MFAP3L: variants seen among roughly 807,000 people sequenced by gnomAD.
The protein encoded by MFAP3L is microfibrillar-associated protein 3-like.
Under a neutral mutation model 20.0 loss-of-function variants are expected in MFAP3L, and 5 were observed. The ratio of observed to expected loss-of-function variants is 0.25; its 90% CI spans 0.13 to 0.53. The LOEUF (loss-of-function observed/expected upper bound fraction) is 0.53. Among genes scored for constraint, MFAP3L ranks in the 20% least tolerant of loss-of-function variants. MFAP3L has a pLI of 0.96. For synonymous variants in MFAP3L, 219 were observed against 213.0 expected, an observed-to-expected ratio of 1.03 and a Z score of -0.25; for missense variants, 409 against 527.5, an observed-to-expected ratio of 0.78 and a Z score of 2.20.
chr4:170,006,522 T>C (rs1383153171), intron 1 of MFAP3L: 1 of 152,276 alleles, frequency 6.6e-6, no homozygotes, highest in Non-Finnish European at 1.5e-5. Flanking sequence ...ATATAGATTT[T>C]ATAGGAACAA....
In MFAP3L at chr4:170,005,758, G is replaced by T; in HGVS notation, c.120C>A (p.Asn40Lys). Reference sequence around the variant, plus strand: ...TTACGGGCACAGAGCCCAAGACCACGTTAGTGCCATTTAAAGTGCTGTTAG... The same window carrying T: ...TTACGGGCACAGAGCCCAAGACCACTTTAGTGCCATTTAAAGTGCTGTTAG... ...SVTNSTLNGT[N>K]VVLGSVPVII... is the part of the protein sequence containing the mutation. The change falls in exon 2 of 3, where the codon AAC (asparagine) becomes AAA (lysine). Residue 40 changes from asparagine to lysine, a missense_variant. Transcript: ENST00000361618. The T allele has an allele frequency of 6.2e-7, 1 of 1,614,218 alleles. No homozygotes were observed. The highest frequency in any genetic ancestry group is 8.5e-7 in the Non-Finnish European group (1 of 1,180,040).
chr4:170,012,240 G>A (rs1195787890), intron 1 of MFAP3L, among the ~76,000 whole-genome samples: 2 of 152,168 alleles, frequency 1.3e-5, no homozygotes, highest in African/African-American at 4.8e-5. Context: ...GAAAGAAGTT[G>A]GCAGATGCAA....
intron 1 of MFAP3L, among the ~76,000 whole-genome samples, chr4:170,017,587 T>C (rs1739779756): frequency 1.3e-5 from 2 of 152,192 alleles, no homozygotes; most frequent in Non-Finnish European, 2.9e-5. Context: ...CACACGGTGG[T>C]CACTGAGTGC....
At chr4:170,020,504 T>C (rs1739959299) in intron 1 of MFAP3L, among the ~76,000 whole-genome samples, 1 of 152,038 alleles carries the variant, frequency 6.6e-6, no homozygotes, top group Non-Finnish European at 1.5e-5. Flanking sequence ...CTAAAACATA[T>C]TCCATGTCTT....
At chr4:170,014,978 C>T (rs7657773) in intron 1 of MFAP3L, among the ~76,000 whole-genome samples, 1,634 of 152,254 alleles carry the variant, frequency 0.011, 29 homozygotes, top group African/African-American at 0.037. Context: ...AGAAACACAT[C>T]GAGTGTTCTT....
intron 1 of MFAP3L, among the ~76,000 whole-genome samples, chr4:170,017,958 C>T (rs1739803069): frequency 6.6e-6 from 1 of 152,116 alleles, no homozygotes; most frequent in Non-Finnish European, 1.5e-5. Context: ...CCAGTCATAT[C>T]AATTAAATAA....
At chr4:170,013,287 T>C (rs1279783838) in intron 1 of MFAP3L, among the ~76,000 whole-genome samples, 1 of 152,146 alleles carries the variant, frequency 6.6e-6, no homozygotes, top group Non-Finnish European at 1.5e-5. Flanking sequence ...TAAACATAAA[T>C]GTTGGTTAAG....
At chr4:170,026,843 C>G (rs1427504384), upstream of MFAP3L, 1 of 152,280 alleles carries the variant, frequency 6.6e-6, no homozygotes, top group East Asian at 1.9e-4. Flanking sequence ...AACCAGTCAA[C>G]CCACCCCCAA....
At chr4:170,003,591 T>C (rs893459634) in intron 2 of MFAP3L, 6 of 723,776 alleles carry the variant, frequency 8.3e-6, no homozygotes, top group Non-Finnish European at 1.0e-5. Flanking sequence ...CCCAGTGCTA[T>C]GCTATTCCCA....
At position 169,988,399 on chromosome 4, in the gene MFAP3L, C is replaced by T. The variant is rs902857306; in HGVS notation, c.*2979G>A. 6.6e-6 allele frequency: 1 copy of T among 152,122 alleles called. No homozygotes were observed. Among genetic ancestry groups the T allele is most frequent in the Non-Finnish European group, 1.5e-5 (1 of 68,018 alleles). The allele number at this position is 152,122 out of a possible 1,614,324, so 9.4% of individuals were successfully genotyped here. A position where few individuals can be genotyped will look rare whatever the true frequency, so the allele number is the denominator to read the frequency against. ...ATCATTTTCAGAATTTCAAGAAAAACATTGCTAGAGATATGACCAGGATGA... is the reference window on the plus strand; with the variant it reads ...ATCATTTTCAGAATTTCAAGAAAAATATTGCTAGAGATATGACCAGGATGA... On this transcript the variant is annotated 3_prime_UTR_variant, in exon 3 of 3. Coordinates refer to ENST00000361618, the MANE Select transcript of MFAP3L (RefSeq NM_021647.8).
chr4:170,018,547 G>C (rs1314149029), intron 1 of MFAP3L, among the ~76,000 whole-genome samples: 1 of 152,104 alleles, frequency 6.6e-6, no homozygotes, highest in African/African-American at 2.4e-5. Context: ...CCTTCCAAAG[G>C]CAAGAAGACA....
Position 169,990,220 on chromosome 4 carries a change from T to G in MFAP3L, c.*1158A>C, listed in dbSNP as rs1737560898. The G allele has an allele frequency of 6.6e-6, 1 of 152,256 alleles. No homozygotes were observed. Among genetic ancestry groups the G allele is most frequent in the African/African-American group, 2.4e-5 (1 of 41,468 alleles). The allele number at this position is 152,256 out of a possible 1,614,324, so 9.4% of individuals were successfully genotyped here. ...TCACGCACCTCACATATAACCACTT[T>G]CTTGCAGGACTGCATAATTATTCAA... is the stretch of plus-strand genomic sequence containing the variant. On this transcript the variant is annotated 3_prime_UTR_variant, in exon 3 of 3. Transcript: ENST00000361618.
intron 1 of MFAP3L, chr4:170,006,991 T>G (rs552996465): frequency 1.3e-5 from 2 of 152,212 alleles, no homozygotes; most frequent in Non-Finnish European, 2.9e-5. Context: ...GGCACTTCTA[T>G]GTCCAAAGAT....
At chr4:170,001,876 G>A (rs1009971289) in intron 2 of MFAP3L, 196 of 971,340 alleles carry the variant, frequency 2.0e-4, no homozygotes, top group Non-Finnish European at 2.4e-4. Flanking sequence ...GGCAAGCAAA[G>A]CAAACCAGCT....
chr4:170,002,209 A>G (rs1738680980), intron 2 of MFAP3L: 1 of 985,064 alleles, frequency 1.0e-6, no homozygotes, highest in Non-Finnish European at 1.2e-6. Context: ...GCTCTTCAAC[A>G]TTTTTCACCT....
intron 2 of MFAP3L, among the ~76,000 whole-genome samples, chr4:169,998,939 TGAA>T (rs145832037): frequency 8.0e-4 from 122 of 152,338 alleles, no homozygotes; most frequent in Middle Eastern, 3.4e-3. Flanking sequence ...CGGCACCCTT[TGAA>T]GAAGCACAAA....
chr4:170,006,043 A>G, intron 1 of MFAP3L, 33 bp from the exon 2 acceptor site: 3 of 1,384,318 alleles, frequency 2.2e-6, no homozygotes, highest in Non-Finnish European at 2.8e-6. Context: ...ATATACACAT[A>G]AACATTAGCA....
In MFAP3L at chr4:169,990,924, AG is replaced by A. The variant is rs1737614410; in HGVS notation, c.*453del. The A allele has an allele frequency of 6.1e-6, 1 of 163,678 alleles. No homozygotes were observed. The highest frequency in any genetic ancestry group is 5.7e-5 in the Admixed American group (1 of 17,590). 10.1% of individuals were successfully genotyped at this position (163,678 alleles called of 1,614,324 possible). On this transcript the variant is annotated 3_prime_UTR_variant, in exon 3 of 3. Coordinates refer to ENST00000361618, the MANE Select transcript of MFAP3L (RefSeq NM_021647.8). The stretch of plus-strand genomic sequence containing the variant: ...ATTAATAACAATGACCCCATTATAA[AG>A]GAAAAGCAAAATTAAAACTGAGAAG...
chr4:169,995,319 T>TC (rs1228140808), intron 2 of MFAP3L, among the ~76,000 whole-genome samples: 6 of 152,124 alleles, frequency 3.9e-5, no homozygotes, highest in Admixed American at 1.3e-4. Flanking sequence ...ACGTCTGTAT[T>TC]CCCCCACCCC....
Sources: allele counts gnomAD v4.1 joint callset (sites outside exome capture counted in the v4.1 genomes callset), GRCh38; gene constraint gnomAD v4.1.1; transcripts MANE v1.5; gene names NCBI Gene and HGNC (gene_info 2026-07-23, HGNC 2026-07-21).